The following C12orf75 variants were observed in gnomAD, a reference collection of about 807,000 sequenced individuals.
C12orf75 encodes chromosome 12 open reading frame 75.
In C12orf75, 4 loss-of-function variants were observed where a neutral mutation model predicts 11.4. The observed-to-expected ratio is 0.35, with a 90% confidence interval of 0.17 to 0.80. The LOEUF (loss-of-function observed/expected upper bound fraction) is 0.80. Ranked by LOEUF, C12orf75 falls within the 30% of genes least tolerant of loss-of-function variation. The pLI is 0.52. For synonymous variants in C12orf75, 30 were observed against 30.0 expected (o/e 1.00, Z 0.00); for missense variants, 89 against 80.4 (o/e 1.11, Z -0.41).
At chr12:105,331,581 C>T (rs1892424535) in intron 1 of C12orf75, among the ~76,000 whole-genome samples, 1 of 124,836 alleles carries the variant, frequency 8.0e-6, no homozygotes, top group Non-Finnish European at 1.6e-5. Context: ...TGTTAAGATA[C>T]TTTTCATTAA....
chr12:105,357,848 A>T, intron 2 of C12orf75, among the ~76,000 whole-genome samples: 1 of 151,288 alleles, frequency 6.6e-6, no homozygotes, highest in Admixed American at 6.6e-5. Flanking sequence ...AGAGAGACAG[A>T]CAGACAGACA....
chr12:105,366,406 G>A (rs1465211215), intron 3 of C12orf75: 6 of 379,338 alleles, frequency 1.6e-5, no homozygotes, highest in Admixed American at 1.3e-4. Flanking sequence ...TTCTACTAAC[G>A]CAATACATCT....
chr12:105,347,334 T>G (rs1472378231), intron 1 of C12orf75, among the ~76,000 whole-genome samples: 1 of 152,166 alleles, frequency 6.6e-6, no homozygotes, highest in Admixed American at 6.5e-5. Context: ...AGGTGAAGTT[T>G]CACAATAGGC....
At chr12:105,340,885 A>G (rs1464717587) in intron 1 of C12orf75, among the ~76,000 whole-genome samples, 1 of 152,212 alleles carries the variant, frequency 6.6e-6, no homozygotes, top group Non-Finnish European at 1.5e-5. Flanking sequence ...TGATGGGGCC[A>G]CAAGCCAAGG....
At position 105,332,242 on chromosome 12, in the gene C12orf75, G is replaced by T. The variant is rs530980988; in HGVS notation, c.46+1305G>T. Among the ~76,000 whole-genome samples, 4 of 152,064 alleles carry T rather than the reference G, an allele frequency of 2.6e-5. No homozygotes were observed. In the South Asian group the frequency reaches 8.3e-4, roughly 31 times the overall value. On this transcript the variant is annotated intron_variant, in intron 1 of 5. Coordinates refer to ENST00000443585, the MANE Select transcript of C12orf75 (RefSeq NM_001145199.2). ...TCTCAGTCTACTAGGTACTGTGGCC[G>T]TATGCAATCCACTGCATGTGTAGCC... is the stretch of plus-strand genomic sequence containing the variant.
In C12orf75 at chr12:105,330,957, G is replaced by C; in HGVS notation, c.46+20G>C. The C allele has an allele frequency of 1.7e-6, 2 of 1,205,036 alleles. No homozygotes were observed. Among genetic ancestry groups the C allele is most frequent in the Non-Finnish European group, 2.1e-6 (2 of 964,036 alleles). The allele number at this position is 1,205,036 out of a possible 1,614,324, so 74.6% of individuals were successfully genotyped here. On this transcript the variant is annotated intron_variant, in intron 1 of 5. Coordinates refer to ENST00000443585, the MANE Select transcript of C12orf75 (RefSeq NM_001145199.2). ...GCCAAGGTGAGTCCGGCGGGAGGCG[G>C]GGGCCGGCGGGGGCGGGCGGGAGAG...
intron 2 of C12orf75, among the ~76,000 whole-genome samples, chr12:105,351,012 GA>G (rs1892706808): frequency 6.6e-6 from 1 of 152,044 alleles, no homozygotes; most frequent in East Asian, 1.9e-4. Flanking sequence ...TTAAATAAAT[GA>G]CCTTTTAAAA....
chr12:105,349,807 G>A (rs1265364912), intron 2 of C12orf75, among the ~76,000 whole-genome samples: 1 of 151,522 alleles, frequency 6.6e-6, no homozygotes, highest in African/African-American at 2.4e-5. Context: ...AACTGGGAAG[G>A]TGGAGGTTGC....
At chr12:105,332,119 T>C (rs1300736841) in intron 1 of C12orf75, among the ~76,000 whole-genome samples, 2 of 152,152 alleles carry the variant, frequency 1.3e-5, no homozygotes, top group East Asian at 3.8e-4. Context: ...TGTAGCACCT[T>C]ATGCTAATGA....
At chr12:105,355,076 T>G (rs1892759174) in intron 2 of C12orf75, among the ~76,000 whole-genome samples, 1 of 152,086 alleles carries the variant, frequency 6.6e-6, no homozygotes, top group Non-Finnish European at 1.5e-5. Context: ...TCGGAGTATG[T>G]TAGCGGAGCA....
chr12:105,344,970 C>CA (rs200093628), intron 1 of C12orf75, among the ~76,000 whole-genome samples: 86 of 148,864 alleles, frequency 5.8e-4, no homozygotes, highest in Non-Finnish European at 1.1e-3. Context: ...CTAAGCCCCC[C>CA]CCCAACCAAT....
chr12:105,366,770 T>C (rs1871484395), intron 4 of C12orf75, 74 bp downstream of exon 4: 1 of 891,806 alleles, frequency 1.1e-6, no homozygotes, highest in South Asian at 1.5e-5. Flanking sequence ...ATGAAATTTA[T>C]ATTTCAGCTT....
chr12:105,358,952 C>T (rs978902385), intron 2 of C12orf75, among the ~76,000 whole-genome samples: 1 of 152,184 alleles, frequency 6.6e-6, no homozygotes, highest in Non-Finnish European at 1.5e-5. Context: ...CACTTGGTTC[C>T]AGTCCCTTCC....
intron 2 of C12orf75, among the ~76,000 whole-genome samples, chr12:105,351,297 T>A (rs746981161): frequency 1.8e-4 from 27 of 152,260 alleles, no homozygotes; most frequent in South Asian, 4.2e-4. Context: ...GTAGAATAAG[T>A]ACTGAGAGTA....
chr12:105,348,150 C>T (rs1346384572), intron 1 of C12orf75, among the ~76,000 whole-genome samples: 1 of 152,188 alleles, frequency 6.6e-6, no homozygotes, highest in Admixed American at 6.5e-5. Flanking sequence ...TGCAGTGGCT[C>T]ATGCCTGTAA....
Position 105,367,459 on chromosome 12 carries a change from T to A in C12orf75, c.188-13T>A. On this transcript the variant is annotated splice_polypyrimidine_tract_variant and intron_variant, in intron 4 of 5. Coordinates refer to ENST00000443585, the MANE Select transcript of C12orf75 (RefSeq NM_001145199.2). Reference sequence around the variant, plus strand: ...AATCTGAACATTTAACTTTTCTTAATTTTCTCTTTAAGATTAGAAGAAAAT... The same window carrying A: ...AATCTGAACATTTAACTTTTCTTAAATTTCTCTTTAAGATTAGAAGAAAAT... 1.2e-6 allele frequency: 1 copy of A among 825,406 alleles called. No homozygotes were observed. Among genetic ancestry groups the A allele is most frequent in the Non-Finnish European group, 1.9e-6 (1 of 537,200 alleles). The allele number at this position is 825,406 out of a possible 1,614,324, so 51.1% of individuals were successfully genotyped here. A position where few individuals can be genotyped will look rare whatever the true frequency, so the allele number is the denominator to read the frequency against.
chr12:105,362,799 C>G (rs1004449511), intron 2 of C12orf75, among the ~76,000 whole-genome samples: 1 of 152,132 alleles, frequency 6.6e-6, no homozygotes, highest in African/African-American at 2.4e-5. Context: ...AATTCTGGCT[C>G]TATGATTTAG....
chr12:105,359,097 T>C (rs1892823971), intron 2 of C12orf75, among the ~76,000 whole-genome samples: 1 of 152,224 alleles, frequency 6.6e-6, no homozygotes, highest in Non-Finnish European at 1.5e-5. Flanking sequence ...TAATTTGGGC[T>C]AGTTTCTCTT....
intron 2 of C12orf75, among the ~76,000 whole-genome samples, chr12:105,354,696 T>G (rs1892753233): frequency 6.9e-6 from 1 of 145,532 alleles, no homozygotes; most frequent in South Asian, 2.2e-4. Flanking sequence ...AAATCATATA[T>G]TCCCATTGGT....
Sources: gnomAD v4.1 joint callset for allele counts (sites outside exome capture counted in the v4.1 genomes callset) on GRCh38, gnomAD v4.1.1 for gene constraint, MANE v1.5 for transcripts, NCBI Gene and HGNC (gene_info 2026-07-23, HGNC 2026-07-21) for gene names.